Variants in ABAT observed in about 807,000 individuals in gnomAD.
ABAT encodes 4-aminobutyrate aminotransferase, mitochondrial.
Under a neutral mutation model 64.6 loss-of-function variants are expected in ABAT, and 45 were observed. That is an observed-to-expected ratio of 0.70 (90% CI 0.55 to 0.89). The LOEUF is 0.89. Among genes scored for constraint, ABAT ranks in the 40% least tolerant of loss-of-function variants. The probability of loss-of-function intolerance (pLI) is 0.00; values close to 1 mark genes in which losing one functional copy is unlikely to be tolerated. For missense variants in ABAT, 633 were observed against 658.4 expected (o/e 0.96, Z 0.42); for synonymous variants, 297 against 250.5 (o/e 1.19, Z -1.75).
chr16:8,764,757 C>T lies in ABAT; in HGVS notation c.467C>T (p.Ser156Phe), dbSNP rs1194028793. 1 of 1,614,122 alleles carries T rather than the reference C, an allele frequency of 6.2e-7. No homozygotes were observed. The highest frequency in any genetic ancestry group is 1.7e-5 in the Admixed American group (1 of 60,022). The change falls in exon 8 of 16, where the codon TCC becomes TTC. Residue 156 changes from serine (S) to phenylalanine (F), a missense_variant. Transcript: ENST00000268251. The surrounding 1 kb of genome is among the most constrained non-coding windows in gnomAD (Gnocchi z 4.2). ...SLLSVAPKGM[S>F]QLITMACGSC... ...CCACAGGTGGCTCCCAAAGGGATGT[C>T]CCAGCTCATCACCATGGCCTGCGGC...
chr16:8,725,620 C>T (rs1612155), intron 1 of ABAT, among the ~76,000 whole-genome samples: 132,706 of 152,260 alleles, frequency 0.87, 58,559 homozygotes, highest in Admixed American at 0.94. Flanking sequence ...CATTCATCCA[C>T]TGATCGACAT....
At position 8,703,727 on chromosome 16, in the gene ABAT, A is replaced by G. The variant is rs550650488; in HGVS notation, c.-42+29016A>G. Among the ~76,000 whole-genome samples, 4 of 152,294 alleles carry G rather than the reference A, an allele frequency of 2.6e-5. No individual in the cohort carries two copies. In the South Asian group the frequency reaches 8.3e-4, roughly 32 times the overall value. Reference sequence around the variant, plus strand: ...ATGGATCACCAGTTTGTTATTGGGAAGATAGGAAAGACCTATAGTTTGAAG... The same window carrying G: ...ATGGATCACCAGTTTGTTATTGGGAGGATAGGAAAGACCTATAGTTTGAAG... On this transcript the variant is annotated intron_variant, in intron 1 of 15. Transcript: ENST00000268251.
At chr16:8,733,148 G>C (rs1354218384) in intron 1 of ABAT, among the ~76,000 whole-genome samples, 1 of 149,572 alleles carries the variant, frequency 6.7e-6, no homozygotes, top group African/African-American at 2.5e-5. Flanking sequence ...CCTCCCTCCC[G>C]GACGGGGTGG....
chr16:8,696,171 C>T (rs1425385341), intron 1 of ABAT, among the ~76,000 whole-genome samples: 1 of 152,150 alleles, frequency 6.6e-6, no homozygotes, highest in East Asian at 1.9e-4. Context: ...ACACCTGGGC[C>T]CCATTACCTC....
rs2060022889 is a variant in ABAT, at chr16:8,768,931, T to G, written c.774T>G (p.Phe258Leu). 6.2e-7 allele frequency: 1 copy of G among 1,614,024 alleles called. No individual in the cohort carries two copies. The highest frequency in any genetic ancestry group is 8.5e-7 in the Non-Finnish European group (1 of 1,180,036). The change falls in exon 11 of 16, where the codon TTT (phenylalanine) becomes TTG (leucine). Residue 258 changes from phenylalanine (F) to leucine (L), a missense_variant. By Grantham distance (22) the Phe-to-Leu change is conservative. Transcript: ENST00000268251. Reference sequence around the variant, plus strand: ...GGCTGAAATACCCTCTGGAAGAGTTTGTGAAAGAGAACCAACAGGAGGAGG... The same window carrying G: ...GGCTGAAATACCCTCTGGAAGAGTTGGTGAAAGAGAACCAACAGGAGGAGG... ...FPRLKYPLEEFVKENQQEEAR... is the reference protein window; with the variant it reads ...FPRLKYPLEELVKENQQEEAR...
At position 8,714,098 on chromosome 16, in the gene ABAT, G is replaced by A. The variant is rs185000107; in HGVS notation, c.-41-21601G>A. 1.8e-3 allele frequency among the ~76,000 whole-genome samples: 279 copies of A among 152,276 alleles called. 2 individuals are homozygous for A. The highest frequency in any genetic ancestry group is 2.6e-3 in the Non-Finnish European group (179 of 68,012). On this transcript the variant is annotated intron_variant, in intron 1 of 15. Transcript: ENST00000268251. The stretch of plus-strand genomic sequence containing the variant: ...AACAGATTTTTCAAGGACACTTTGT[G>A]AACACAGCAGGAGGAGACCCTTTAA...
At chr16:8,771,497 C>T (rs2060108754) in intron 11 of ABAT, among the ~76,000 whole-genome samples, 1 of 137,576 alleles carries the variant, frequency 7.3e-6, no homozygotes, top group Admixed American at 7.5e-5. Context: ...GACAGAGTTT[C>T]ACTCTCTTGC....
intron 5 of ABAT, among the ~76,000 whole-genome samples, chr16:8,753,120 G>C (rs2059540804): frequency 6.9e-6 from 1 of 145,522 alleles, no homozygotes; most frequent in Admixed American, 6.9e-5. Context: ...TTTAGACGGA[G>C]TCTTGCTCTG....
rs2060262841 is a variant in ABAT, at chr16:8,776,358, C to T, written c.1137C>T (p.Phe379=). Residue 379 remains phenylalanine (F), a synonymous_variant, in exon 14 of 16, where the codon TTC becomes TTT. Coordinates refer to ENST00000268251, the MANE Select transcript of ABAT (RefSeq NM_020686.6). This position sits in a 1 kb window ranked among gnomAD's most constrained non-coding sequence, Gnocchi z 4.4. ...EFRPNAPYRI[F]NTWLGDPSKN... is the part of the protein sequence containing the mutation. ...CCTCATTCCAGCCCTACCGGATCTT[C>T]AACACCTGGCTGGGGGACCCGTCCA... 23 of 1,614,234 alleles carry T rather than the reference C, an allele frequency of 1.4e-5. No homozygotes were observed. Among genetic ancestry groups the T allele is most frequent in the Middle Eastern group, 3.3e-4 (2 of 6,062 alleles).
At chr16:8,766,313 G>A in intron 9 of ABAT, 43 bp downstream of exon 9, 2 of 1,589,712 alleles carry the variant, frequency 1.3e-6, no homozygotes, top group Non-Finnish European at 1.7e-6. Context: ...TGGGGAAGCT[G>A]CACAGCCTCT....
At chr16:8,699,242 A>T (rs2142013307) in intron 1 of ABAT, among the ~76,000 whole-genome samples, 1 of 152,276 alleles carries the variant, frequency 6.6e-6, no homozygotes, top group Admixed American at 6.5e-5. Context: ...GGGAGGGGAG[A>T]TGCTGTTGCG....
intron 2 of ABAT, among the ~76,000 whole-genome samples, chr16:8,739,214 G>C (rs2142483555): frequency 6.6e-6 from 1 of 152,288 alleles, no homozygotes; most frequent in East Asian, 1.9e-4. Flanking sequence ...CATCTTTAAA[G>C]GTCATTCTCC....
chr16:8,728,778 G>A (rs1433362689), intron 1 of ABAT, among the ~76,000 whole-genome samples: 1 of 152,160 alleles, frequency 6.6e-6, no homozygotes, highest in Non-Finnish European at 1.5e-5. Flanking sequence ...GGAGGCTGAG[G>A]CAGGAGAATC....
chr16:8,701,840 G>A (rs1378977453), intron 1 of ABAT, among the ~76,000 whole-genome samples: 1 of 151,992 alleles, frequency 6.6e-6, no homozygotes, highest in Non-Finnish European at 1.5e-5. Context: ...TTTTTGGGGA[G>A]TGGAATGGGC....
intron 1 of ABAT, among the ~76,000 whole-genome samples, chr16:8,732,805 G>A (rs1166528128): frequency 6.7e-6 from 1 of 150,276 alleles, no homozygotes; most frequent in Non-Finnish European, 1.5e-5. Flanking sequence ...CGGCCGGGCA[G>A]AGGCGCCCCT....
At chr16:8,774,126 G>A (rs373164204) in intron 12 of ABAT, among the ~76,000 whole-genome samples, 43 of 152,126 alleles carry the variant, frequency 2.8e-4, no homozygotes, top group African/African-American at 9.2e-4. Context: ...ACGGGGTTTC[G>A]CCATGTTGGC....
At chr16:8,738,259 T>A (rs2059041494) in intron 2 of ABAT, among the ~76,000 whole-genome samples, 1 of 152,032 alleles carries the variant, frequency 6.6e-6, no homozygotes, top group African/African-American at 2.4e-5. Context: ...AGATCGAGGC[T>A]GCAGTGAGCC....
intron 1 of ABAT, among the ~76,000 whole-genome samples, chr16:8,704,604 T>C (rs1471941057): frequency 6.6e-6 from 1 of 152,244 alleles, no homozygotes; most frequent in East Asian, 1.9e-4. Flanking sequence ...CAGCCTTGCT[T>C]TATTGTGTAG....
intron 2 of ABAT, among the ~76,000 whole-genome samples, chr16:8,738,048 CAG>C: frequency 7.1e-6 from 1 of 140,890 alleles, no homozygotes; most frequent in African/African-American, 2.8e-5. Context: ...ACAGACAAGA[CAG>C]TGGCTCACAG....
Sources: allele counts gnomAD v4.1 joint callset (sites outside exome capture counted in the v4.1 genomes callset), GRCh38; gene constraint gnomAD v4.1.1; non-coding constraint Gnocchi (gnomAD v3.1); transcripts MANE v1.5; gene names NCBI Gene and HGNC (gene_info 2026-07-23, HGNC 2026-07-21).